JCAD: variants seen among roughly 807,000 people sequenced by gnomAD.
JCAD encodes the protein junctional cadherin 5 associated, also known as junctional cadherin 5-associated protein.
In JCAD, 40 loss-of-function variants were observed where a neutral mutation model predicts 98.0. That is an observed-to-expected ratio of 0.41 (90% confidence interval 0.32 to 0.53). The LOEUF (loss-of-function observed/expected upper bound fraction) is 0.53, where lower values mean the gene tolerates loss of function less well. JCAD is among the 20% of genes least tolerant of loss of function. JCAD has a pLI of 0.31. For synonymous variants in JCAD, 691 were observed against 682.3 expected, an observed-to-expected ratio of 1.01 and a Z score of -0.20; for missense variants, 1,705 against 1,738.1, an observed-to-expected ratio of 0.98 and a Z score of 0.34.
At chr10:30,044,825 TAA>T (rs35686768) in intron 2 of JCAD, 37,796 of 871,658 alleles carry the variant, frequency 0.043, no homozygotes, top group Non-Finnish European at 0.049. Flanking sequence ...ATTGGGCACC[TAA>T]AAAAAAAAAA....
chr10:30,092,725 A>C (rs922046309), intron 1 of JCAD, among the ~76,000 whole-genome samples: 1 of 151,782 alleles, frequency 6.6e-6, no homozygotes, highest in African/African-American at 2.4e-5. Context: ...TCTTTGAACA[A>C]CCCCCCAAAC....
In JCAD at chr10:30,044,567, T is replaced by C. The variant is rs1016119522; in HGVS notation, c.281+2965A>G. Among the ~76,000 whole-genome samples, 6 of 152,068 alleles carry C rather than the reference T, an allele frequency of 3.9e-5. No individual in the cohort carries two copies. The East Asian group carries it at 1.2e-3, about 29-fold the overall frequency. ...GCCCAGCAGAGGTCACTGTGTGGGA[T>C]GGAGGAGGCAGCAAGACCACAGCTG... On this transcript the variant is annotated intron_variant, in intron 2 of 3. Transcript: ENST00000375377.
chr10:30,092,585 C>T (rs1479321177), intron 1 of JCAD, among the ~76,000 whole-genome samples: 8 of 152,116 alleles, frequency 5.3e-5, no homozygotes, highest in Admixed American at 2.0e-4. Context: ...GTCAGGCAGC[C>T]CACACGATGA....
intron 1 of JCAD, among the ~76,000 whole-genome samples, chr10:30,077,962 C>T (rs547140531): frequency 1.3e-5 from 2 of 152,260 alleles, no homozygotes; most frequent in South Asian, 2.1e-4. Context: ...GCCAATTCTA[C>T]GTTTAACTTT....
intron 1 of JCAD, among the ~76,000 whole-genome samples, chr10:30,055,742 T>C (rs1837558339): frequency 6.6e-6 from 1 of 152,246 alleles, no homozygotes; most frequent in Admixed American, 6.5e-5. Flanking sequence ...ACAAATGAGT[T>C]GGAAAACTTG....
rs772215231 is a variant in JCAD, at chr10:30,028,305, T to C, written c.1843A>G (p.Lys615Glu). ...PSADQKNGSDKSPALQEQSLL... is the reference protein window; with the variant it reads ...PSADQKNGSDESPALQEQSLL... Reference sequence around the variant, plus strand: ...CTCTGTTCTTGCAGAGCCGGGCTCTTATCAGACCCATTCTTTTGATCAGCA... The same window carrying C: ...CTCTGTTCTTGCAGAGCCGGGCTCTCATCAGACCCATTCTTTTGATCAGCA... Residue 615 changes from lysine to glutamate, a missense_variant, in exon 3 of 4, where the codon AAG (lysine) becomes GAG (glutamate). Lys to Glu is a moderately conservative substitution (Grantham distance 56). Around this residue, in one of 3 missense-constraint regions of JCAD, gnomAD observed 1,278 missense variants for 1,243.1 expected, o/e 1.03. Coordinates refer to ENST00000375377, the MANE Select transcript of JCAD (RefSeq NM_020848.4). 4 of 1,614,262 alleles carry C rather than the reference T, an allele frequency of 2.5e-6. No individual in the cohort carries two copies. Among genetic ancestry groups the C allele is most frequent in the Non-Finnish European group, 3.4e-6 (4 of 1,180,050 alleles).
In JCAD at chr10:30,052,637, A is replaced by C. The variant is rs77862953; in HGVS notation, c.-59-4766T>G. Among the ~76,000 whole-genome samples the C allele has an allele frequency of 7.1e-3, 1,080 of 152,318 alleles. 10 individuals are homozygous for C. The highest frequency in any genetic ancestry group is 0.024 in the African/African-American group (1,012 of 41,566). ...GAAACATCCAGCAATTCTCCATCCC[A>C]GAGTGCGGGTGCTGCACGCTTACGC... is the stretch of plus-strand genomic sequence containing the variant. On this transcript the variant is annotated intron_variant, in intron 1 of 3. Coordinates refer to ENST00000375377, the MANE Select transcript of JCAD (RefSeq NM_020848.4).
intron 1 of JCAD, among the ~76,000 whole-genome samples, chr10:30,051,205 T>A (rs1589694750): frequency 6.6e-6 from 1 of 152,252 alleles, no homozygotes; most frequent in East Asian, 1.9e-4. Context: ...AAAATTCTCC[T>A]TTATTCTCTA....
In JCAD at chr10:30,026,219, C is replaced by T. The variant is rs1434802738; in HGVS notation, c.3929G>A (p.Arg1310His). 25 of 1,613,908 alleles carry T rather than the reference C, an allele frequency of 1.5e-5. No homozygotes were observed. The highest frequency in any genetic ancestry group is 8.9e-5 in the East Asian group (4 of 44,890). ...GGLVSPGSGD[R>H]AQRLGHSLSV... ...GAGTGAGTGGCCCAATCTCTGGGCA[C>T]GGTCCCCACTGCCAGGAGACACAAG... Residue 1310 changes from arginine (R) to histidine (H), a missense_variant, in exon 3 of 4, where the codon CGT becomes CAT. Transcript: ENST00000375377.
At chr10:30,097,815 G>A (rs1413717545) in intron 1 of JCAD, among the ~76,000 whole-genome samples, 1 of 152,020 alleles carries the variant, frequency 6.6e-6, no homozygotes, top group Non-Finnish European at 1.5e-5. Flanking sequence ...TACAATGGCA[G>A]CACCCTCCAG....
intron 2 of JCAD, among the ~76,000 whole-genome samples, chr10:30,045,265 C>A (rs1162028413): frequency 6.6e-6 from 1 of 152,140 alleles, no homozygotes; most frequent in Non-Finnish European, 1.5e-5. Flanking sequence ...TGAGACTCAA[C>A]TCTGATCCAG....
In JCAD at chr10:30,027,829, C is replaced by G; in HGVS notation, c.2319G>C (p.Gln773His). ...AFSRTSLSVD[Q>H]APTPKAGRSQ... ...TTCGGCCTGCTTTTGGCGTCGGTGC[C>G]TGGTCCACGGACAAGGAAGTCCTTG... The change falls in exon 3 of 4, where the codon CAG becomes CAC. Residue 773 changes from glutamine to histidine, a missense_variant. Physicochemically the swap from Gln to His is conservative, Grantham distance 24. This residue lies in a region of JCAD where 1,278 missense variants were observed against 1,243.1 expected (regional missense o/e 1.03). Transcript: ENST00000375377. The G allele has an allele frequency of 6.2e-7, 1 of 1,614,268 alleles. No homozygotes were observed. The highest frequency in any genetic ancestry group is 2.2e-5 in the East Asian group (1 of 44,890).
chr10:30,039,000 A>C (rs1245706603), intron 2 of JCAD, among the ~76,000 whole-genome samples: 1 of 151,884 alleles, frequency 6.6e-6, no homozygotes, highest in Non-Finnish European at 1.5e-5. Context: ...TGGGTCATAA[A>C]CCCCTAACCC....
At chr10:30,088,494 A>G (rs144339555) in intron 1 of JCAD, among the ~76,000 whole-genome samples, 22 of 152,296 alleles carry the variant, frequency 1.4e-4, no homozygotes, top group African/African-American at 4.8e-4. Flanking sequence ...TAAATCAAGT[A>G]GTTTGGGAGA....
intron 1 of JCAD, among the ~76,000 whole-genome samples, chr10:30,111,301 T>C (rs546901916): frequency 4.6e-4 from 70 of 152,290 alleles, no homozygotes; most frequent in African/African-American, 1.6e-3. Flanking sequence ...AAAAAAATTT[T>C]TTTTAGAGAT....
intron 2 of JCAD, among the ~76,000 whole-genome samples, chr10:30,043,390 C>G (rs1188652459): frequency 6.6e-6 from 1 of 152,092 alleles, no homozygotes; most frequent in Non-Finnish European, 1.5e-5. Flanking sequence ...AAACTCTGTT[C>G]TAAACTGATA....
At position 30,020,622 on chromosome 10, in the gene JCAD, C is replaced by T. The variant is rs1048698565; in HGVS notation, c.4046-2705G>A. Among the ~76,000 whole-genome samples the T allele has an allele frequency of 7.9e-5, 12 of 152,274 alleles. No homozygotes were observed. The East Asian group carries it at 1.4e-3, about 17-fold the overall frequency. On this transcript the variant is annotated intron_variant, in intron 3 of 3. Transcript: ENST00000375377. Reference sequence around the variant, plus strand: ...GTTTGCTCAAACGTCATCAGCTGCACGCAGGAATAATCTGGCTAAAAGGAA... The same window carrying T: ...GTTTGCTCAAACGTCATCAGCTGCATGCAGGAATAATCTGGCTAAAAGGAA...
intron 1 of JCAD, among the ~76,000 whole-genome samples, chr10:30,100,653 G>A (rs987416577): frequency 1.3e-5 from 2 of 152,056 alleles, no homozygotes; most frequent in Non-Finnish European, 2.9e-5. Flanking sequence ...CAAAGTGCTG[G>A]GATTACAGGT....
chr10:30,049,281 C>A (rs7085817), intron 1 of JCAD, among the ~76,000 whole-genome samples: 3,284 of 152,308 alleles, frequency 0.022, 130 homozygotes, highest in African/African-American at 0.073. Flanking sequence ...AACCCCACTT[C>A]ACTGGTGGAC....
Sources: gnomAD v4.1 joint callset for allele counts (sites outside exome capture counted in the v4.1 genomes callset) on GRCh38, gnomAD v4.1.1 for gene constraint, gnomAD v4.1.1 regional missense constraint, MANE v1.5 for transcripts, NCBI Gene and HGNC (gene_info 2026-07-23, HGNC 2026-07-21) for gene names.